ACVR1C: variants seen among roughly 807,000 people sequenced by gnomAD.
ACVR1C encodes activin A receptor type 1C.
A neutral mutation model predicts 57.9 loss-of-function variants in ACVR1C; 23 were observed. The ratio of observed to expected loss-of-function variants is 0.40; its 90% CI spans 0.29 to 0.56. ACVR1C has a LOEUF of 0.56. Among genes scored for constraint, ACVR1C ranks in the 20% least tolerant of loss-of-function variants. ACVR1C has a pLI of 0.50. For synonymous variants in ACVR1C, 214 were observed against 215.3 expected, an observed-to-expected ratio of 0.99 and a Z score of 0.05; for missense variants, 480 against 607.9, an observed-to-expected ratio of 0.79 and a Z score of 2.21.
At chr2:157,585,281 C>T (rs1225166582) in intron 2 of ACVR1C, among the ~76,000 whole-genome samples, 6 of 151,844 alleles carry the variant, frequency 4.0e-5, no homozygotes, top group Admixed American at 2.0e-4. Flanking sequence ...CACATATTCT[C>T]GATAAAGAAA....
chr2:157,613,552 T>TA (rs1194390984), intron 1 of ACVR1C, among the ~76,000 whole-genome samples: 2 of 152,224 alleles, frequency 1.3e-5, no homozygotes, highest in East Asian at 3.8e-4. Flanking sequence ...CATTTAGGTT[T>TA]ACTTTAAATT....
intron 8 of ACVR1C, among the ~76,000 whole-genome samples, chr2:157,534,849 A>T (rs1687442531): frequency 6.6e-6 from 1 of 152,134 alleles, no homozygotes; most frequent in South Asian, 2.1e-4. Context: ...CCCACAGCAC[A>T]CAGAAAGTTT....
intron 8 of ACVR1C, among the ~76,000 whole-genome samples, chr2:157,537,713 CTGAAA>C (rs900370848): frequency 6.6e-6 from 1 of 152,016 alleles, no homozygotes; most frequent in African/African-American, 2.4e-5. Flanking sequence ...ACAGCAATAA[CTGAAA>C]TGAGAGAGAT....
chr2:157,576,920 T>A (rs1248927009), intron 2 of ACVR1C, among the ~76,000 whole-genome samples: 1 of 87,736 alleles, frequency 1.1e-5, no homozygotes, highest in Non-Finnish European at 2.2e-5. Flanking sequence ...AGTGGCACAA[T>A]CTCGGCTCAC....
intron 1 of ACVR1C, 73 bp downstream of exon 1, chr2:157,628,498 AC>A: frequency 6.9e-7 from 1 of 1,446,654 alleles, no homozygotes; most frequent in Non-Finnish European, 9.5e-7. Flanking sequence ...CCTGTCCCCC[AC>A]CCCCGTGCTC....
intron 1 of ACVR1C, among the ~76,000 whole-genome samples, chr2:157,594,281 G>A (rs1008121457): frequency 6.6e-6 from 1 of 152,102 alleles, no homozygotes; most frequent in African/African-American, 2.4e-5. Flanking sequence ...TTCCTCACCT[G>A]TAAAATGAGG....
At chr2:157,564,034 A>T (rs1688302742) in intron 2 of ACVR1C, among the ~76,000 whole-genome samples, 1 of 152,232 alleles carries the variant, frequency 6.6e-6, no homozygotes, top group Non-Finnish European at 1.5e-5. Flanking sequence ...CCTAAGCAAT[A>T]CCATTCAGGA....
intron 3 of ACVR1C, among the ~76,000 whole-genome samples, chr2:157,554,272 G>GAAGAAAGAAAGAAAGAAAGA (rs1688021716): frequency 2.1e-5 from 1 of 47,594 alleles, no homozygotes; most frequent in African/African-American, 1.1e-4. Flanking sequence ...AGAAAGAAAG[G>GAAGAAAGAAAGAAAGAAAGA]AAGGAAGGAA....
At position 157,556,495 on chromosome 2, in the gene ACVR1C, GA is replaced by G. The variant is rs201075542; in HGVS notation, c.305-164del. On this transcript the variant is annotated intron_variant, in intron 2 of 8. Coordinates refer to ENST00000243349, the MANE Select transcript of ACVR1C (RefSeq NM_145259.3). ...TCTCTGTGGTATAAGCAAAGATGGA[GA>G]AAAAAAATGAGATTAGGCTGCAGCT... 3.9e-3 allele frequency among the ~76,000 whole-genome samples: 594 copies of G among 151,388 alleles called. 5 individuals are homozygous for G. The highest frequency in any genetic ancestry group is 0.014 in the African/African-American group (571 of 41,320).
intron 1 of ACVR1C, among the ~76,000 whole-genome samples, chr2:157,614,420 T>C (rs1682598404): frequency 6.6e-6 from 1 of 152,162 alleles, no homozygotes; most frequent in Non-Finnish European, 1.5e-5. Context: ...GCCCCCACAA[T>C]ATGGTCTATC....
intron 1 of ACVR1C, among the ~76,000 whole-genome samples, chr2:157,596,982 T>C (rs1186724621): frequency 6.6e-6 from 1 of 152,078 alleles, no homozygotes; most frequent in South Asian, 2.1e-4. Context: ...GGAGCACTAC[T>C]GAATCCGGCT....
intron 2 of ACVR1C, among the ~76,000 whole-genome samples, chr2:157,562,110 C>T (rs976297991): frequency 6.6e-6 from 1 of 151,932 alleles, no homozygotes; most frequent in Admixed American, 6.6e-5. Context: ...TCTTGGCCAA[C>T]ATAGTGAAAC....
chr2:157,529,575 T>G lies in ACVR1C; in HGVS notation c.*4343A>C, dbSNP rs746105868. On this transcript the variant is annotated 3_prime_UTR_variant, in exon 9 of 9. Coordinates refer to ENST00000243349, the MANE Select transcript of ACVR1C (RefSeq NM_145259.3). ...TAAGAGTTCTGCTAGTAACTAGTAG[T>G]CATTTAATCTCTGATCCTTGGTTTC... 1.3e-5 allele frequency: 2 copies of G among 152,080 alleles called. No homozygotes were observed. The highest frequency in any genetic ancestry group is 2.9e-5 in the Non-Finnish European group (2 of 67,966). The allele number at this position is 152,080 out of a possible 1,614,324, so 9.4% of individuals were successfully genotyped here. A position where few individuals can be genotyped will look rare whatever the true frequency, so the allele number is the denominator to read the frequency against.
At chr2:157,552,423 G>A (rs1328927792) in intron 3 of ACVR1C, among the ~76,000 whole-genome samples, 3 of 152,200 alleles carry the variant, frequency 2.0e-5, no homozygotes, top group African/African-American at 7.2e-5. Context: ...GTGAGCCACT[G>A]CAACCAGCCT....
In ACVR1C at chr2:157,603,468, C is replaced by A. The variant is rs1389694820; in HGVS notation, c.74-16051G>T. ...TGATCCTCTGTAGAGACTGCAGATG[C>A]AAGCAAAATTCTCCATAAGCAAGCT... On this transcript the variant is annotated intron_variant, in intron 1 of 8. Coordinates refer to ENST00000243349, the MANE Select transcript of ACVR1C (RefSeq NM_145259.3). Among the ~76,000 whole-genome samples, 5 of 152,074 alleles carry A rather than the reference C, an allele frequency of 3.3e-5. 1 individual carries two copies. The East Asian group carries it at 9.6e-4, about 29-fold the overall frequency.
intron 1 of ACVR1C, among the ~76,000 whole-genome samples, chr2:157,596,348 G>A (rs1286707386): frequency 3.3e-5 from 5 of 152,024 alleles, no homozygotes; most frequent in Non-Finnish European, 7.4e-5. Flanking sequence ...GGGGCAGAAC[G>A]ATACTTGCCC....
intron 1 of ACVR1C, among the ~76,000 whole-genome samples, chr2:157,599,111 G>C (rs1364925927): frequency 6.6e-6 from 1 of 151,818 alleles, no homozygotes; most frequent in Non-Finnish European, 1.5e-5. Flanking sequence ...GAGGCAGGCG[G>C]ATCACGAAGT....
At chr2:157,575,292 C>G (rs1039363965) in intron 2 of ACVR1C, among the ~76,000 whole-genome samples, 1 of 152,084 alleles carries the variant, frequency 6.6e-6, no homozygotes, top group African/African-American at 2.4e-5. Context: ...GCCACCATGC[C>G]CAGCTAATTT....
At chr2:157,535,922 A>C (rs1319997338) in intron 8 of ACVR1C, among the ~76,000 whole-genome samples, 1 of 152,200 alleles carries the variant, frequency 6.6e-6, no homozygotes, top group African/African-American at 2.4e-5. Context: ...AAGTTCCATG[A>C]TGACAGGATT....
Sources: allele counts gnomAD v4.1 joint callset (sites outside exome capture counted in the v4.1 genomes callset), GRCh38; gene constraint gnomAD v4.1.1; transcripts MANE v1.5; gene names NCBI Gene and HGNC (gene_info 2026-07-23, HGNC 2026-07-21).